SNRPD3: variants seen among roughly 807,000 people sequenced by gnomAD.
The protein encoded by SNRPD3 is small nuclear ribonucleoprotein Sm D3.
For missense variants in SNRPD3, 73 were observed against 167.5 expected, an observed-to-expected ratio of 0.44 and a Z score of 3.11; for synonymous variants, 66 against 58.4, an observed-to-expected ratio of 1.13 and a Z score of -0.59.
chr22:24,571,739 GT>G (rs1601572895), intron 3 of SNRPD3, among the ~76,000 whole-genome samples, 176 bp from the exon 4 acceptor site: 1 of 148,710 alleles, frequency 6.7e-6, no homozygotes, highest in East Asian at 2.0e-4. Context: ...GTGGGACTCC[GT>G]CTCAAAAAAT....
intron 2 of SNRPD3, among the ~76,000 whole-genome samples, chr22:24,561,333 C>T (rs2045141365): frequency 6.6e-6 from 1 of 152,098 alleles, no homozygotes; most frequent in South Asian, 2.1e-4. Flanking sequence ...CTCAGTCTCT[C>T]AAACTCCTGG....
rs1188275577 is a variant in SNRPD3, at chr22:24,572,127, T to A, written c.*150T>A. On this transcript the variant is annotated 3_prime_UTR_variant, in exon 4 of 4. Coordinates refer to ENST00000215829, the MANE Select transcript of SNRPD3 (RefSeq NM_004175.5). ...TTAAGCTAAATAAATCTGGGGGGTT[T>A]TTTGTTCTGTTTTGTTTTGTTTTCT... The A allele has an allele frequency of 6.4e-6, 9 of 1,397,122 alleles. No homozygotes were observed. Among genetic ancestry groups the A allele is most frequent in the Non-Finnish European group, 8.9e-6 (9 of 1,011,410 alleles). 86.5% of individuals were successfully genotyped at this position (1,397,122 alleles called of 1,614,324 possible).
At chr22:24,566,908 A>G (rs1343548141) in intron 2 of SNRPD3, among the ~76,000 whole-genome samples, 1 of 152,068 alleles carries the variant, frequency 6.6e-6, no homozygotes, top group Middle Eastern at 3.2e-3. Context: ...TGCTGCCTTA[A>G]CCCTATTGAT....
chr22:24,562,038 G>C (rs764291737), intron 2 of SNRPD3, among the ~76,000 whole-genome samples: 2 of 151,868 alleles, frequency 1.3e-5, no homozygotes, highest in Non-Finnish European at 2.9e-5. Flanking sequence ...ATTCGGAAAA[G>C]ATAAATAGAG....
chr22:24,562,281 C>A (rs1221521922), intron 2 of SNRPD3, among the ~76,000 whole-genome samples: 1 of 152,204 alleles, frequency 6.6e-6, no homozygotes, highest in Non-Finnish European at 1.5e-5. Flanking sequence ...GTGGCTCACG[C>A]CTGTAATCCC....
At position 24,564,883 on chromosome 22, in the gene SNRPD3, C is replaced by CTTT. The variant is rs371010665; in HGVS notation, c.127-3101_127-3100insTTT. Among the ~76,000 whole-genome samples, 30 of 127,144 alleles carry CTTT rather than the reference C, an allele frequency of 2.4e-4. 6 individuals carry two copies. Among genetic ancestry groups the CTTT allele is most frequent in the Non-Finnish European group, 2.4e-4 (14 of 58,438 alleles). The allele number at this position is 127,144 out of a possible 152,430, so 83.4% of individuals were successfully genotyped here. ...GCATTTAGACATACTTTGCCTTGTT[C>CTTT]ATTTTTTTTTTTTTTTTTTTGACAG... is the stretch of plus-strand genomic sequence containing the variant. On this transcript the variant is annotated intron_variant, in intron 2 of 3. Transcript: ENST00000215829.
intron 2 of SNRPD3, among the ~76,000 whole-genome samples, chr22:24,567,712 C>T (rs1026818713): frequency 6.6e-6 from 1 of 151,762 alleles, no homozygotes; most frequent in African/African-American, 2.4e-5. Flanking sequence ...CACCATTGCA[C>T]TTCAGCCTGG....
At position 24,567,995 on chromosome 22, in the gene SNRPD3, C is replaced by G. The variant is rs1301012201; in HGVS notation, c.138C>G (p.Ile46Met). Residue 46 changes from isoleucine (I) to methionine (M), a missense_variant, in exon 3 of 4, where the codon ATC becomes ATG. Physicochemically the swap from Ile to Met is conservative, Grantham distance 10 (BLOSUM62 1). Coordinates refer to ENST00000215829, the MANE Select transcript of SNRPD3 (RefSeq NM_004175.5). ...EDNMNCQMSN[I>M]TVTYRDGRVA... is the part of the protein sequence containing the mutation. ...TGATTTCCTTCCAGATGTCCAACAT[C>G]ACAGTCACATACAGAGATGGCCGAG... The G allele has an allele frequency of 1.3e-6, 2 of 1,596,704 alleles. No homozygotes were observed. Among genetic ancestry groups the G allele is most frequent in the Admixed American group, 3.5e-5 (2 of 57,440 alleles).
chr22:24,558,633 G>A (rs932363951), intron 2 of SNRPD3, among the ~76,000 whole-genome samples: 25 of 152,324 alleles, frequency 1.6e-4, no homozygotes, highest in South Asian at 2.1e-4. Context: ...GGATAAAAGA[G>A]CAAGGAAGCA....
intron 2 of SNRPD3, among the ~76,000 whole-genome samples, chr22:24,560,319 T>C (rs1361077235): frequency 6.6e-6 from 1 of 151,698 alleles, no homozygotes; most frequent in African/African-American, 2.4e-5. Context: ...GAGACAGGTT[T>C]CACCATATTG....
intron 1 of SNRPD3, among the ~76,000 whole-genome samples, chr22:24,557,443 C>A (rs1189819479): frequency 1.3e-5 from 2 of 151,958 alleles, no homozygotes; most frequent in African/African-American, 4.8e-5. Context: ...CTGTCCATCC[C>A]ATCATTCCTC....
intron 3 of SNRPD3, among the ~76,000 whole-genome samples, chr22:24,570,870 C>G (rs992663098): frequency 2.2e-5 from 3 of 136,302 alleles, no homozygotes; most frequent in African/African-American, 8.3e-5. Flanking sequence ...GGCTGCAGTG[C>G]GGTGGCTTGA....
chr22:24,562,589 A>G (rs1224764894), intron 2 of SNRPD3, among the ~76,000 whole-genome samples: 1 of 152,184 alleles, frequency 6.6e-6, no homozygotes, highest in Non-Finnish European at 1.5e-5. Flanking sequence ...TTATGCCTGT[A>G]GTCCCAGCTA....
chr22:24,557,295 A>G (rs1456590387), intron 1 of SNRPD3, among the ~76,000 whole-genome samples: 1 of 152,236 alleles, frequency 6.6e-6, no homozygotes, highest in Non-Finnish European at 1.5e-5. Flanking sequence ...TAACAGTGCA[A>G]CAAATTAACA....
chr22:24,561,364 A>G (rs959700889), intron 2 of SNRPD3, among the ~76,000 whole-genome samples: 20 of 152,212 alleles, frequency 1.3e-4, no homozygotes, highest in African/African-American at 4.8e-4. Context: ...ATGAGCCACC[A>G]CATCTGGCCT....
chr22:24,558,428 T>C (rs2045101396), intron 2 of SNRPD3, among the ~76,000 whole-genome samples: 1 of 152,234 alleles, frequency 6.6e-6, no homozygotes, highest in Admixed American at 6.5e-5. Context: ...TTCTTTGTTC[T>C]TTAAACCACT....
chr22:24,557,712 C>G lies in SNRPD3; in HGVS notation c.38C>G (p.Ala13Gly). 1 of 1,612,682 alleles carries G rather than the reference C, an allele frequency of 6.2e-7. No homozygotes were observed. The change falls in exon 2 of 4, where the codon GCC becomes GGC. Residue 13 changes from alanine to glycine, a missense_variant. Physicochemically the swap from Ala to Gly is moderately conservative, Grantham distance 60. Coordinates refer to ENST00000215829, the MANE Select transcript of SNRPD3 (RefSeq NM_004175.5). ...IGVPIKVLHE[A>G]EGHIVTCETN... ...GTGCCGATTAAAGTACTGCATGAGGCCGAGGGCCACATTGTGACATGTGAG... is the reference window on the plus strand; with the variant it reads ...GTGCCGATTAAAGTACTGCATGAGGGCGAGGGCCACATTGTGACATGTGAG...
chr22:24,561,064 C>CTTTTTTTTTTTTTTTTT (rs1164120857), intron 2 of SNRPD3, among the ~76,000 whole-genome samples: 68 of 61,684 alleles, frequency 1.1e-3, no homozygotes, highest in African/African-American at 2.3e-3. Flanking sequence ...TTTTTCTTTT[C>CTTTTTTTTTTTTTTTTT]TTTTTTTTTT....
At chr22:24,565,509 G>A (rs901749050) in intron 2 of SNRPD3, among the ~76,000 whole-genome samples, 10 of 152,236 alleles carry the variant, frequency 6.6e-5, no homozygotes, top group Non-Finnish European at 1.5e-4. Context: ...TTGAGGGAAC[G>A]GAGGCTCAGG....
Sources: allele counts gnomAD v4.1 joint callset (sites outside exome capture counted in the v4.1 genomes callset), GRCh38; gene constraint gnomAD v4.1.1; transcripts MANE v1.5; gene names NCBI Gene and HGNC (gene_info 2026-07-23, HGNC 2026-07-21).